The following GYS2 variants were observed in gnomAD, a reference collection of about 807,000 sequenced individuals.
GYS2 encodes the protein glycogen [starch] synthase, liver.
In GYS2, 80 loss-of-function variants were observed where a neutral mutation model predicts 85.6. The observed-to-expected ratio is 0.93, with a 90% CI of 0.78 to 1.13. The LOEUF (loss-of-function observed/expected upper bound fraction) is 1.13, where lower values mean the gene tolerates loss of function less well. GYS2 is among the 50% of genes most tolerant of loss of function. GYS2 has a pLI of 0.00. For missense variants in GYS2, 881 were observed against 854.9 expected (o/e 1.03, Z -0.38); for synonymous variants, 328 against 300.7 (o/e 1.09, Z -0.94).
At chr12:21,543,686 C>G (rs573576154) in intron 12 of GYS2, among the ~76,000 whole-genome samples, 4 of 152,056 alleles carry the variant, frequency 2.6e-5, no homozygotes, top group African/African-American at 7.2e-5. Flanking sequence ...ATCAACCCAT[C>G]GTCTAGGTTT....
intron 1 of GYS2, among the ~76,000 whole-genome samples, chr12:21,603,616 C>T (rs570293741): frequency 6.6e-6 from 1 of 152,202 alleles, no homozygotes; most frequent in East Asian, 1.9e-4. Flanking sequence ...TTAAATCACA[C>T]AAGTCATCAC....
chr12:21,545,457 A>G (rs1452250617), intron 12 of GYS2, among the ~76,000 whole-genome samples: 1 of 152,220 alleles, frequency 6.6e-6, no homozygotes, highest in Non-Finnish European at 1.5e-5. Flanking sequence ...AATAATAATA[A>G]AATCACAAGT....
At position 21,546,432 on chromosome 12, in the gene GYS2, G is replaced by A; in HGVS notation, c.1461C>T (p.Pro487=). 6.3e-7 allele frequency: 1 copy of A among 1,589,480 alleles called. No homozygotes were observed. Among genetic ancestry groups the A allele is most frequent in the African/African-American group, 1.3e-5 (1 of 74,470 alleles). Residue 487 remains proline, a synonymous_variant, in exon 12 of 16, where the codon CCC becomes CCT. Coordinates refer to ENST00000261195, the MANE Select transcript of GYS2 (RefSeq NM_021957.4). The part of the protein sequence containing the change: ...LHPEFLSSTS[P]LLPMDYEEFV... ...ACTCTTCATAGTCCATGGGTAGTAA[G>A]GGACTGGTGGAGGATAGAAACTCTG... is the stretch of plus-strand genomic sequence containing the variant.
chr12:21,582,327 T>C (rs1203770776), intron 1 of GYS2, among the ~76,000 whole-genome samples: 1 of 152,178 alleles, frequency 6.6e-6, no homozygotes, highest in African/African-American at 2.4e-5. Flanking sequence ...GGGCACCATC[T>C]AATCAGTTGC....
intron 4 of GYS2, among the ~76,000 whole-genome samples, chr12:21,573,170 CTAAG>C (rs1944405531): frequency 6.6e-6 from 1 of 152,184 alleles, no homozygotes. Flanking sequence ...TTCTTGCGCT[CTAAG>C]TGTCTTTGAG....
Position 21,563,339 on chromosome 12 carries a change from A to T in GYS2, c.830T>A (p.Val277Asp). 6.4e-7 allele frequency: 1 copy of T among 1,552,396 alleles called. No individual in the cohort carries two copies. Among genetic ancestry groups the T allele is most frequent in the Admixed American group, 1.7e-5 (1 of 59,956 alleles). Reference protein sequence around the residue: ...EHMLKRKPDVVTPNGLNVKKF... With the variant: ...EHMLKRKPDVDTPNGLNVKKF... ...CTTAACATTCAAGCCGTTTGGAGTA[A>T]CTACATCTAGAAAGGCAAAACAAAA... is the stretch of plus-strand genomic sequence containing the variant. Residue 277 changes from valine (V) to aspartate (D), a missense_variant, in exon 6 of 16, where the codon GTT becomes GAT. Val to Asp is a radical substitution (Grantham distance 152). Coordinates refer to ENST00000261195, the MANE Select transcript of GYS2 (RefSeq NM_021957.4).
intron 1 of GYS2, among the ~76,000 whole-genome samples, chr12:21,595,881 G>A (rs1565613326): frequency 1.3e-5 from 2 of 152,100 alleles, no homozygotes; most frequent in Non-Finnish European, 2.9e-5. Context: ...GCACTAGACA[G>A]TTCATCAAGA....
intron 11 of GYS2, among the ~76,000 whole-genome samples, chr12:21,550,036 A>T (rs569947180): frequency 3.3e-5 from 5 of 152,224 alleles, no homozygotes; most frequent in Middle Eastern, 3.4e-3. Flanking sequence ...TGACACTCAA[A>T]TTGTCCATGA....
At position 21,584,552 on chromosome 12, in the gene GYS2, G is replaced by A. The variant is rs571781645; in HGVS notation, c.122-4029C>T. 2.0e-5 allele frequency among the ~76,000 whole-genome samples: 3 copies of A among 152,272 alleles called. No homozygotes were observed. In the East Asian group the frequency reaches 5.8e-4, roughly 29 times the overall value. On this transcript the variant is annotated intron_variant, in intron 1 of 15. Transcript: ENST00000261195. The stretch of plus-strand genomic sequence containing the variant: ...AAGTTATGCTTGGGCTCAGCAACAT[G>A]GACTTCCACTCACCAAAGCTGACCT...
At chr12:21,577,367 C>T (rs1944458365) in intron 2 of GYS2, among the ~76,000 whole-genome samples, 1 of 152,158 alleles carries the variant, frequency 6.6e-6, no homozygotes, top group South Asian at 2.1e-4. Context: ...GAACCTATTA[C>T]ACAAATAGAG....
chr12:21,535,140 G>T (rs541633553), downstream of GYS2: 5 of 152,290 alleles, frequency 3.3e-5, no homozygotes, highest in African/African-American at 1.2e-4. Flanking sequence ...AATTCCATGT[G>T]CCCTATCATT....
Position 21,546,335 on chromosome 12 carries a change from G to T in GYS2, c.1549+9C>A. 1 of 1,587,954 alleles carries T rather than the reference G, an allele frequency of 6.3e-7. No individual in the cohort carries two copies. Among genetic ancestry groups the T allele is most frequent in the South Asian group, 1.1e-5 (1 of 90,322 alleles). Reference sequence around the variant, plus strand: ...TCAAAACATTCCACACTCTATACATGACACATACCTGGAGTATAACCCCAG... The same window carrying T: ...TCAAAACATTCCACACTCTATACATTACACATACCTGGAGTATAACCCCAG... On this transcript the variant is annotated intron_variant, in intron 12 of 15. Transcript: ENST00000261195.
chr12:21,579,474 C>A (rs1386494972), intron 2 of GYS2, among the ~76,000 whole-genome samples: 2 of 151,684 alleles, frequency 1.3e-5, no homozygotes, highest in Admixed American at 6.6e-5. Context: ...CTGCCTCAGC[C>A]TCCTGAGTAG....
At chr12:21,597,280 A>G (rs989455787) in intron 1 of GYS2, among the ~76,000 whole-genome samples, 2 of 152,176 alleles carry the variant, frequency 1.3e-5, no homozygotes, top group African/African-American at 2.4e-5. Context: ...AAGCTGTTGA[A>G]TGCGAGAAAA....
At chr12:21,556,294 T>G (rs577572020) in intron 11 of GYS2, among the ~76,000 whole-genome samples, 11 of 152,226 alleles carry the variant, frequency 7.2e-5, no homozygotes, top group African/African-American at 2.6e-4. Context: ...TATGCCTCCC[T>G]AGTAGCTGGT....
chr12:21,540,679 A>G, intron 13 of GYS2, 106 bp from the exon 14 acceptor site: 1 of 940,502 alleles, frequency 1.1e-6, no homozygotes, highest in South Asian at 1.3e-5. Flanking sequence ...CCTATGCATT[A>G]TCTACCCCCT....
At chr12:21,552,039 T>C (rs1229469127) in intron 11 of GYS2, among the ~76,000 whole-genome samples, 3 of 152,086 alleles carry the variant, frequency 2.0e-5, no homozygotes, top group Non-Finnish European at 4.4e-5. Flanking sequence ...AACCAGCCAA[T>C]TGCAGAAGCC....
intron 11 of GYS2, 57 bp downstream of exon 11, chr12:21,558,143 C>G (rs1944205355): frequency 9.7e-7 from 1 of 1,028,572 alleles, no homozygotes. Flanking sequence ...CTAATAAATT[C>G]TCAGAAAATA....
intron 1 of GYS2, among the ~76,000 whole-genome samples, chr12:21,590,441 A>G (rs564622943): frequency 6.6e-6 from 1 of 152,202 alleles, no homozygotes; most frequent in South Asian, 2.1e-4. Flanking sequence ...TGCCACTGCC[A>G]TCACAACTGG....
Sources: gnomAD v4.1 joint callset for allele counts (sites outside exome capture counted in the v4.1 genomes callset) on GRCh38, gnomAD v4.1.1 for gene constraint, MANE v1.5 for transcripts, NCBI Gene and HGNC (gene_info 2026-07-23, HGNC 2026-07-21) for gene names.